IRF2: variants seen among roughly 807,000 people sequenced by gnomAD.
The protein encoded by IRF2 is interferon regulatory factor 2.
A neutral mutation model predicts 40.6 loss-of-function variants in IRF2; 15 were observed. The ratio of observed to expected loss-of-function variants is 0.37; its 90% CI spans 0.25 to 0.57. IRF2 has a LOEUF of 0.57. Among genes scored for constraint, IRF2 ranks in the 20% least tolerant of loss-of-function variants. The probability of loss-of-function intolerance (pLI) is 0.77; values close to 1 mark genes in which losing one functional copy is unlikely to be tolerated. For missense variants in IRF2, 317 were observed against 455.7 expected (o/e 0.70, Z 2.77); for synonymous variants, 151 against 165.5 (o/e 0.91, Z 0.67).
intron 7 of IRF2, among the ~76,000 whole-genome samples, chr4:184,398,642 C>A (rs915641970): frequency 1.3e-5 from 2 of 148,220 alleles, no homozygotes; most frequent in African/African-American, 2.5e-5. Flanking sequence ...GGAGACAGAG[C>A]GAGACTCTGT....
chr4:184,442,396 A>C (rs549777742), intron 1 of IRF2, among the ~76,000 whole-genome samples: 1 of 152,252 alleles, frequency 6.6e-6, no homozygotes, highest in East Asian at 1.9e-4. Flanking sequence ...ATGCAGATGA[A>C]TCAGTTGTTT....
chr4:184,429,968 T>A (rs533040747), intron 1 of IRF2, among the ~76,000 whole-genome samples: 15 of 152,292 alleles, frequency 9.8e-5, no homozygotes, highest in Admixed American at 8.5e-4. Context: ...TGCATTCACA[T>A]CTAATCTGGG....
At chr4:184,473,741 G>C (rs1330673430) in intron 1 of IRF2, among the ~76,000 whole-genome samples, 5 of 150,152 alleles carry the variant, frequency 3.3e-5, no homozygotes, top group Non-Finnish European at 5.9e-5. Flanking sequence ...GGGCGCCCCA[G>C]CAAGTTTCCT....
At chr4:184,395,352 G>A in intron 7 of IRF2, among the ~76,000 whole-genome samples, 1 of 144,444 alleles carries the variant, frequency 6.9e-6, no homozygotes, top group African/African-American at 2.6e-5. Flanking sequence ...GGTGGAGCTT[G>A]CAGTGAGCCG....
intron 1 of IRF2, among the ~76,000 whole-genome samples, chr4:184,444,831 A>T (rs1260644231): frequency 1.3e-5 from 2 of 152,264 alleles, no homozygotes; most frequent in African/African-American, 4.8e-5. Flanking sequence ...TTCAGACCTC[A>T]GTTGACCATG....
In IRF2 at chr4:184,456,910, T is replaced by G. The variant is rs1369330286; in HGVS notation, c.-7+17469A>C. ...GGAATATCTAGGCCTTTGAATAACATCTTCCAATTTATCGCCCCAGGGAAG... is the reference window on the plus strand; with the variant it reads ...GGAATATCTAGGCCTTTGAATAACAGCTTCCAATTTATCGCCCCAGGGAAG... On this transcript the variant is annotated intron_variant, in intron 1 of 8. Transcript: ENST00000393593. 3.3e-5 allele frequency among the ~76,000 whole-genome samples: 5 copies of G among 152,226 alleles called. No homozygotes were observed. The South Asian group carries it at 6.2e-4, about 19-fold the overall frequency.
intron 1 of IRF2, among the ~76,000 whole-genome samples, chr4:184,472,826 C>T (rs950723151): frequency 6.6e-6 from 1 of 152,234 alleles, no homozygotes; most frequent in African/African-American, 2.4e-5. Context: ...CACAGACTGA[C>T]CCGGGCGTTT....
intron 6 of IRF2, among the ~76,000 whole-genome samples, chr4:184,402,388 C>G (rs1016978921): frequency 1.3e-5 from 2 of 152,194 alleles, no homozygotes; most frequent in Non-Finnish European, 1.5e-5. Flanking sequence ...GGGTGCCTCT[C>G]ACTCACTGTC....
chr4:184,468,344 C>G (rs964017649), intron 1 of IRF2, among the ~76,000 whole-genome samples: 1 of 151,848 alleles, frequency 6.6e-6, no homozygotes, highest in Non-Finnish European at 1.5e-5. Flanking sequence ...AAAATTAGCC[C>G]GGCGTGGTGG....
chr4:184,454,426 T>A (rs79480328), intron 1 of IRF2, among the ~76,000 whole-genome samples: 3,522 of 152,282 alleles, frequency 0.023, 145 homozygotes, highest in African/African-American at 0.082. Flanking sequence ...CAATTACCAA[T>A]GAATTCCAAC....
At position 184,413,985 on chromosome 4, in the gene IRF2, C is replaced by T. The variant is rs1390163331; in HGVS notation, c.411+4182G>A. Among the ~76,000 whole-genome samples the T allele has an allele frequency of 6.6e-6, 1 of 152,244 alleles. No individual in the cohort carries two copies. Among genetic ancestry groups the T allele is most frequent in the African/African-American group, 2.4e-5 (1 of 41,458 alleles). On this transcript the variant is annotated intron_variant, in intron 5 of 8. Transcript: ENST00000393593. The surrounding 1 kb of genome is among the most constrained non-coding windows in gnomAD (Gnocchi z 4.2). ...GTTTGACCCTGTCCACCCCTCAAGG[C>T]CTGGCTTAGGCCCCAAAGGCTACGA...
At chr4:184,460,193 T>C (rs1739084306) in intron 1 of IRF2, among the ~76,000 whole-genome samples, 1 of 152,338 alleles carries the variant, frequency 6.6e-6, no homozygotes, top group Admixed American at 6.5e-5. Flanking sequence ...TGGGTGGACC[T>C]GGAAAACATT....
chr4:184,416,775 G>A lies in IRF2; in HGVS notation c.411+1392C>T, dbSNP rs180892301. ...AAAAATTGTTTTGGGGCCGAGTGCCGTGGCTCACGCCTGTATTCCCAGCAC... is the reference window on the plus strand; with the variant it reads ...AAAAATTGTTTTGGGGCCGAGTGCCATGGCTCACGCCTGTATTCCCAGCAC... On this transcript the variant is annotated intron_variant, in intron 5 of 8. Transcript: ENST00000393593. Among the ~76,000 whole-genome samples, 697 of 152,322 alleles carry A rather than the reference G, an allele frequency of 4.6e-3. 13 individuals carry two copies. The highest frequency in any genetic ancestry group is 0.016 in the African/African-American group (652 of 41,574).
In IRF2 at chr4:184,430,318, A is replaced by AGCCTTTTCCTTGTATGCCTCCTGCT. The variant is rs1561107350; in HGVS notation, c.-6-1249_-6-1248insAGCAGGAGGCATACAAGGAAAAGGC. On this transcript the variant is annotated intron_variant, in intron 1 of 8. Coordinates refer to ENST00000393593, the MANE Select transcript of IRF2 (RefSeq NM_002199.4). ...AGCCTTTTCCTTGTATGCCTCCTGC[A>AGCCTTTTCCTTGTATGCCTCCTGCT]GTCTGGCCCAGCCTTTTCCTTGTAT... Among the ~76,000 whole-genome samples the AGCCTTTTCCTTGTATGCCTCCTGCT allele has an allele frequency of 2.0e-3, 260 of 132,060 alleles. 1 individual carries two copies. Among genetic ancestry groups the AGCCTTTTCCTTGTATGCCTCCTGCT allele is most frequent in the African/African-American group, 6.9e-3 (247 of 35,926 alleles). 86.6% of individuals were successfully genotyped at this position (132,060 alleles called of 152,430 possible).
At chr4:184,418,043 A>C (rs924201073) in intron 5 of IRF2, 124 bp downstream of exon 5, 36 of 773,376 alleles carry the variant, frequency 4.7e-5, no homozygotes, top group Non-Finnish European at 8.0e-5. Flanking sequence ...TGTAAAGCAC[A>C]GAAGACACAA....
chr4:184,455,249 C>CCCCCCCCCTT, intron 1 of IRF2, among the ~76,000 whole-genome samples: 1 of 56,366 alleles, frequency 1.8e-5, no homozygotes, highest in Admixed American at 2.2e-4. Flanking sequence ...TTCCTCCCCT[C>CCCCCCCCCTT]CCCTCCCCCT....
chr4:184,408,356 A>G lies in IRF2; in HGVS notation c.412-81T>C, dbSNP rs371760294. ...TTAGCTGAAATTCTACCCTCTGCCT[A>G]CTTTCTTTAATGCTAGGGTCATTCA... On this transcript the variant is annotated intron_variant, in intron 5 of 8. Coordinates refer to ENST00000393593, the MANE Select transcript of IRF2 (RefSeq NM_002199.4). This position sits in a 1 kb window ranked among gnomAD's most constrained non-coding sequence, Gnocchi z 4.9. 7.1e-5 allele frequency: 61 copies of G among 861,478 alleles called. No homozygotes were observed. The East Asian group carries it at 1.2e-3, about 17-fold the overall frequency. The allele number at this position is 861,478 out of a possible 1,614,324, so 53.4% of individuals were successfully genotyped here. A position where few individuals can be genotyped will look rare whatever the true frequency, so the allele number is the denominator to read the frequency against.
intron 1 of IRF2, among the ~76,000 whole-genome samples, chr4:184,450,795 GTTA>G (rs3836659): frequency 0.39 from 58,720 of 151,696 alleles, 12,685 homozygotes; most frequent in Admixed American, 0.49. Flanking sequence ...AAAAACTAAA[GTTA>G]TTATAAAAAT....
intron 2 of IRF2, chr4:184,428,631 C>T (rs758912167): frequency 8.9e-5 from 39 of 440,110 alleles, no homozygotes; most frequent in Middle Eastern, 1.5e-3. Context: ...GATCCCAGCT[C>T]TACAAAAAAA....
Sources: allele counts gnomAD v4.1 joint callset (sites outside exome capture counted in the v4.1 genomes callset), GRCh38; gene constraint gnomAD v4.1.1; non-coding constraint Gnocchi (gnomAD v3.1); transcripts MANE v1.5; gene names NCBI Gene and HGNC (gene_info 2026-07-23, HGNC 2026-07-21).